FBN2: variants seen among roughly 807,000 people sequenced by gnomAD.
The protein encoded by FBN2 is fibrillin-2.
Under a neutral mutation model 355.6 loss-of-function variants are expected in FBN2, and 105 were observed. That is an observed-to-expected ratio of 0.30 (90% CI 0.25 to 0.35). The LOEUF is 0.35. Ranked by LOEUF, FBN2 falls within the 10% of genes least tolerant of loss-of-function variation. The probability of loss-of-function intolerance (pLI) is 1.00; values close to 1 mark genes in which losing one functional copy is unlikely to be tolerated. For missense variants in FBN2, 3,280 were observed against 3,758.7 expected, an observed-to-expected ratio of 0.87 and a Z score of 3.33; for synonymous variants, 1,350 against 1,301.2, an observed-to-expected ratio of 1.04 and a Z score of -0.81.
Position 128,334,714 on chromosome 5 carries a change from C to A in FBN2, c.4099+5G>T. On this transcript the variant is annotated splice_donor_5th_base_variant and intron_variant, in intron 31 of 64. Transcript: ENST00000262464. The stretch of plus-strand genomic sequence containing the variant: ...AAATACAGAGAACACAAGCTTGAAA[C>A]CTACCTGTACATCCTGTGGTCCCCT... 3 of 1,614,152 alleles carry A rather than the reference C, an allele frequency of 1.9e-6. No individual in the cohort carries two copies. The highest frequency in any genetic ancestry group is 2.5e-6 in the Non-Finnish European group (3 of 1,179,986).
At chr5:128,430,563 G>A (rs890068330) in intron 7 of FBN2, among the ~76,000 whole-genome samples, 1 of 152,110 alleles carries the variant, frequency 6.6e-6, no homozygotes, top group Non-Finnish European at 1.5e-5. Flanking sequence ...ATAAAATACA[G>A]GCCAGTGAGG....
At chr5:128,409,188 A>T (rs1753006405) in intron 7 of FBN2, among the ~76,000 whole-genome samples, 3 of 152,242 alleles carry the variant, frequency 2.0e-5, no homozygotes, top group Admixed American at 2.0e-4. Flanking sequence ...CTGTATTTGA[A>T]AATGTATAAC....
intron 15 of FBN2, among the ~76,000 whole-genome samples, chr5:128,373,684 G>A (rs533645837): frequency 1.3e-5 from 2 of 152,246 alleles, no homozygotes; most frequent in African/African-American, 4.8e-5. Context: ...TGCATTAAAT[G>A]TATTTTTACC....
intron 7 of FBN2, chr5:128,441,929 T>A (rs1561458798): frequency 6.6e-6 from 1 of 152,468 alleles, no homozygotes; most frequent in Non-Finnish European, 1.5e-5. Context: ...CCCTTGAGAA[T>A]GTTAATGGAT....
chr5:128,280,516 G>C (rs370179641), intron 55 of FBN2, among the ~76,000 whole-genome samples, 199 bp from the exon 56 acceptor site: 1 of 152,040 alleles, frequency 6.6e-6, no homozygotes, highest in East Asian at 1.9e-4. Context: ...TTAAGATAAT[G>C]TTGTCTTCTT....
At chr5:128,490,731 A>G (rs1755478114) in intron 5 of FBN2, among the ~76,000 whole-genome samples, 1 of 152,234 alleles carries the variant, frequency 6.6e-6, no homozygotes, top group Non-Finnish European at 1.5e-5. Flanking sequence ...CACATGGCAC[A>G]TGTTCAATAA....
chr5:128,263,451 G>A lies in FBN2; in HGVS notation c.8166C>T (p.Pro2722=), dbSNP rs891041897. ...CTTGTCCCACTCTGTAATACCCAGG[G>A]GGGCAGCCACAGAGGTAGCCCCCCT... is the stretch of plus-strand genomic sequence containing the variant. ...NTEGGYLCGC[P]PGYYRVGQGH... The change falls in exon 63 of 65, where the codon CCC becomes CCT. Residue 2722 remains proline (P), a synonymous_variant. Coordinates refer to ENST00000262464, the MANE Select transcript of FBN2 (RefSeq NM_001999.4). 3.1e-6 allele frequency: 5 copies of A among 1,613,960 alleles called. No individual in the cohort carries two copies. Among genetic ancestry groups the A allele is most frequent in the South Asian group, 1.1e-5 (1 of 91,064 alleles).
At chr5:128,532,862 C>A (rs1229620391) in intron 2 of FBN2, among the ~76,000 whole-genome samples, 1 of 152,084 alleles carries the variant, frequency 6.6e-6, no homozygotes, top group African/African-American at 2.4e-5. Context: ...CCTGGGCAGA[C>A]CCCAACGCTA....
At chr5:128,280,382 C>G in intron 55 of FBN2, 65 bp from the exon 56 acceptor site, 1 of 1,260,210 alleles carries the variant, frequency 7.9e-7, no homozygotes, top group South Asian at 1.2e-5. Context: ...AAGCTATCTT[C>G]TAATGGGTTA....
intron 14 of FBN2, among the ~76,000 whole-genome samples, chr5:128,375,519 AG>A (rs1388811436): frequency 6.6e-6 from 1 of 152,184 alleles, no homozygotes. Flanking sequence ...GCAAAACTAC[AG>A]TACTCCTCCT....
At chr5:128,453,423 A>T (rs1754308003) in intron 6 of FBN2, among the ~76,000 whole-genome samples, 1 of 152,172 alleles carries the variant, frequency 6.6e-6, no homozygotes, top group South Asian at 2.1e-4. Flanking sequence ...TAGCACCTGG[A>T]CTACTGCAGA....
chr5:128,389,921 G>A (rs1417029292), intron 11 of FBN2, among the ~76,000 whole-genome samples: 1 of 152,078 alleles, frequency 6.6e-6, no homozygotes, highest in East Asian at 1.9e-4. Context: ...CTCTCAGAGT[G>A]TGCCAGTCTT....
intron 7 of FBN2, among the ~76,000 whole-genome samples, chr5:128,419,484 ATTCTT>A (rs1341608775): frequency 1.3e-5 from 2 of 151,988 alleles, no homozygotes; most frequent in Non-Finnish European, 2.9e-5. Flanking sequence ...GTTCCTTTCT[ATTCTT>A]ATTTTTTTCT....
rs1336679569 is a variant in FBN2 at position 128,328,712 on chromosome 5, G to C, written c.4455C>G (p.Asp1485Glu). 2.5e-6 allele frequency: 4 copies of C among 1,614,052 alleles called. No individual in the cohort carries two copies. The African/African-American group carries it at 5.3e-5, about 22-fold the overall frequency. ...GTGACCCACCTTGGCAGGATCTGCT[G>C]TCTGAGGCTGGAGTGAAGCCCATCT... ...ECEMGFTPAS[D>E]SRSCQDIDEC... Residue 1485 changes from aspartate to glutamate, a missense_variant, in exon 34 of 65, where the codon GAC becomes GAG. By Grantham distance (45) the Asp-to-Glu change is conservative. Around this residue, in one of 6 missense-constraint regions of FBN2, gnomAD observed 2,284 missense variants for 2,749.5 expected, o/e 0.83. Transcript: ENST00000262464.
intron 55 of FBN2, among the ~76,000 whole-genome samples, chr5:128,283,681 C>A (rs1428020620): frequency 6.6e-6 from 1 of 152,150 alleles, no homozygotes; most frequent in Non-Finnish European, 1.5e-5. Flanking sequence ...TAGCAATTTA[C>A]ATCTATGGCT....
chr5:128,418,987 A>G (rs1753276067), intron 7 of FBN2, among the ~76,000 whole-genome samples: 1 of 152,280 alleles, frequency 6.6e-6, no homozygotes, highest in African/African-American at 2.4e-5. Flanking sequence ...AGCATGGTGT[A>G]TATTTGTTTA....
chr5:128,503,436 G>A (rs1376874627), intron 5 of FBN2, among the ~76,000 whole-genome samples: 1 of 152,172 alleles, frequency 6.6e-6, no homozygotes, highest in Non-Finnish European at 1.5e-5. Context: ...AGTTTGGAGG[G>A]CTCAGAAGAC....
intron 8 of FBN2, among the ~76,000 whole-genome samples, chr5:128,406,898 C>T (rs1011510689): frequency 3.3e-4 from 51 of 152,254 alleles, no homozygotes; most frequent in Admixed American, 5.9e-4. Flanking sequence ...AGCCAACTGG[C>T]AACAGTAACC....
rs116688034 is a variant in FBN2, at chr5:128,381,984, A to G, written c.1604-3094T>C. Among the ~76,000 whole-genome samples, 853 of 152,210 alleles carry G rather than the reference A, an allele frequency of 5.6e-3. 10 individuals carry two copies. Among genetic ancestry groups the G allele is most frequent in the African/African-American group, 0.019 (781 of 41,554 alleles). ...TTTCTTTTATAATCATAGTGGACCT[A>G]AGACATTTTTGGCAAAATTATGATG... On this transcript the variant is annotated intron_variant, in intron 11 of 64. Transcript: ENST00000262464.
Sources: allele counts gnomAD v4.1 joint callset (sites outside exome capture counted in the v4.1 genomes callset), GRCh38; gene constraint gnomAD v4.1.1; regional missense constraint gnomAD v4.1.1; transcripts MANE v1.5; gene names NCBI Gene and HGNC (gene_info 2026-07-23, HGNC 2026-07-21).